Variants in LRRTM3 observed in about 807,000 individuals in gnomAD.
The protein encoded by LRRTM3 is leucine-rich repeat transmembrane neuronal protein 3.
In LRRTM3, 24 loss-of-function variants were observed where a neutral mutation model predicts 44.7. That is an observed-to-expected ratio of 0.54 (90% CI 0.39 to 0.76). The LOEUF (loss-of-function observed/expected upper bound fraction) is 0.76. Ranked by LOEUF, LRRTM3 falls within the 30% of genes least tolerant of loss-of-function variation. The pLI is 0.00. For synonymous variants in LRRTM3, 277 were observed against 278.7 expected (o/e 0.99, Z 0.06); for missense variants, 587 against 702.2 (o/e 0.84, Z 1.85).
chr10:67,095,217 G>A (rs191045329), intron 2 of LRRTM3, among the ~76,000 whole-genome samples: 51 of 151,592 alleles, frequency 3.4e-4, no homozygotes, highest in East Asian at 2.1e-3. Context: ...ATCTTACTAT[G>A]TTATTTTATT....
At chr10:66,995,674 A>T (rs1342485056) in intron 2 of LRRTM3, among the ~76,000 whole-genome samples, 1 of 152,164 alleles carries the variant, frequency 6.6e-6, no homozygotes, top group Non-Finnish European at 1.5e-5. Context: ...ATGCCAGACA[A>T]CTAAGACTCA....
chr10:67,071,941 TTTGA>T (rs1244487808), intron 2 of LRRTM3, among the ~76,000 whole-genome samples: 3 of 152,126 alleles, frequency 2.0e-5, no homozygotes, highest in Non-Finnish European at 2.9e-5. Context: ...AGAATATGTG[TTTGA>T]TTATTATTTT....
At chr10:66,994,346 C>T (rs992731951) in intron 2 of LRRTM3, among the ~76,000 whole-genome samples, 3 of 152,274 alleles carry the variant, frequency 2.0e-5, no homozygotes, top group South Asian at 4.1e-4. Flanking sequence ...CTAATAACTT[C>T]GAAATTTGCT....
intron 2 of LRRTM3, among the ~76,000 whole-genome samples, chr10:67,064,204 A>C (rs1292393378): frequency 1.3e-5 from 2 of 152,158 alleles, no homozygotes; most frequent in African/African-American, 4.8e-5. Flanking sequence ...GAATTGTTAA[A>C]ATTCCACATA....
chr10:66,966,130 G>T (rs1849398101), intron 2 of LRRTM3, among the ~76,000 whole-genome samples: 1 of 151,760 alleles, frequency 6.6e-6, no homozygotes, highest in Non-Finnish European at 1.5e-5. Flanking sequence ...ATTTTATAGT[G>T]CCATTTTGAA....
intron 2 of LRRTM3, among the ~76,000 whole-genome samples, chr10:66,981,079 ATTTTTACTAGAGAG>A (rs1850410219): frequency 6.6e-6 from 1 of 151,776 alleles, no homozygotes; most frequent in Non-Finnish European, 1.5e-5. Flanking sequence ...CTAATTTTGT[ATTTTTACTAGAGAG>A]GGATTTCTCC....
At chr10:67,041,435 T>C (rs1854391054) in intron 2 of LRRTM3, among the ~76,000 whole-genome samples, 1 of 152,142 alleles carries the variant, frequency 6.6e-6, no homozygotes. Flanking sequence ...ATGTTGCAAA[T>C]ATCACCAGAA....
At chr10:67,078,294 G>T (rs1281999801) in intron 2 of LRRTM3, among the ~76,000 whole-genome samples, 1 of 152,100 alleles carries the variant, frequency 6.6e-6, no homozygotes, top group Non-Finnish European at 1.5e-5. Flanking sequence ...TACCACTATA[G>T]TGCCTACTAA....
intron 2 of LRRTM3, among the ~76,000 whole-genome samples, chr10:66,963,555 T>C (rs7895022): frequency 0.17 from 26,206 of 152,056 alleles, 2,370 homozygotes; most frequent in Middle Eastern, 0.19. Context: ...TGTGATCAGA[T>C]GAACTGATCA....
intron 2 of LRRTM3, among the ~76,000 whole-genome samples, chr10:67,089,157 C>A (rs139464699): frequency 2.7e-3 from 405 of 152,000 alleles, no homozygotes; most frequent in African/African-American, 9.0e-3. Context: ...TAGAGCCAAT[C>A]CCCCATGGAT....
At chr10:67,088,032 T>C (rs1407652972) in intron 2 of LRRTM3, among the ~76,000 whole-genome samples, 1 of 151,874 alleles carries the variant, frequency 6.6e-6, no homozygotes, top group African/African-American at 2.4e-5. Context: ...AGACATATAA[T>C]AATATCATGT....
chr10:66,993,890 T>A (rs1185462823), intron 2 of LRRTM3, among the ~76,000 whole-genome samples: 1 of 152,156 alleles, frequency 6.6e-6, no homozygotes, highest in Non-Finnish European at 1.5e-5. Context: ...CTTAGACAAA[T>A]TTTTGTCTTG....
chr10:67,033,570 C>T (rs1853863900), intron 2 of LRRTM3, among the ~76,000 whole-genome samples: 2 of 152,176 alleles, frequency 1.3e-5, no homozygotes, highest in Non-Finnish European at 2.9e-5. Flanking sequence ...CACATAGTGC[C>T]TAATATGTGC....
Position 66,928,374 on chromosome 10 carries a change from C to T in LRRTM3, c.1458C>T (p.Thr486=), listed in dbSNP as rs1472090168. Residue 486 remains threonine (T), a synonymous_variant, in exon 2 of 3, where the codon ACC becomes ACT. Coordinates refer to ENST00000361320, the MANE Select transcript of LRRTM3 (RefSeq NM_178011.5). ...AATTTTATGTAGATTATAAACCCACCAACACGGAGACCAGCGAGATGCTGC... is the reference window on the plus strand; with the variant it reads ...AATTTTATGTAGATTATAAACCCACTAACACGGAGACCAGCGAGATGCTGC... ...TQEFYVDYKP[T]NTETSEMLLN... The T allele has an allele frequency of 6.2e-7, 1 of 1,613,994 alleles. No individual in the cohort carries two copies. The highest frequency in any genetic ancestry group is 1.1e-5 in the South Asian group (1 of 91,072).
intron 2 of LRRTM3, among the ~76,000 whole-genome samples, chr10:67,038,191 C>T (rs1463037627): frequency 1.3e-5 from 2 of 151,970 alleles, no homozygotes; most frequent in African/African-American, 2.4e-5. Flanking sequence ...GGATAATCCT[C>T]CTGAATATAA....
chr10:67,096,472 T>C (rs1858001195), intron 2 of LRRTM3, among the ~76,000 whole-genome samples: 1 of 151,922 alleles, frequency 6.6e-6, no homozygotes, highest in Admixed American at 6.6e-5. Context: ...CAAACAAATA[T>C]ACATTCTATC....
At chr10:67,004,570 C>T (rs1456956686) in intron 2 of LRRTM3, among the ~76,000 whole-genome samples, 1 of 152,042 alleles carries the variant, frequency 6.6e-6, no homozygotes, top group African/African-American at 2.4e-5. Flanking sequence ...TGGAAACCAT[C>T]ATTATTGCCT....
chr10:67,011,695 A>T (rs1852352390), intron 2 of LRRTM3, among the ~76,000 whole-genome samples: 1 of 152,236 alleles, frequency 6.6e-6, no homozygotes, highest in Non-Finnish European at 1.5e-5. Context: ...GAGTGCTTAC[A>T]TGTACCAGGT....
chr10:66,988,933 T>G (rs1380067145), intron 2 of LRRTM3, among the ~76,000 whole-genome samples: 2 of 152,066 alleles, frequency 1.3e-5, no homozygotes, highest in African/African-American at 2.4e-5. Context: ...AAGGATCATC[T>G]TCCTCTTCAT....
Sources: allele counts gnomAD v4.1 joint callset (sites outside exome capture counted in the v4.1 genomes callset), GRCh38; gene constraint gnomAD v4.1.1; transcripts MANE v1.5; gene names NCBI Gene and HGNC (gene_info 2026-07-23, HGNC 2026-07-21).